FEZ1: variants seen among roughly 807,000 people sequenced by gnomAD.
FEZ1 encodes fasciculation and elongation protein zeta 1.
In FEZ1, 20 loss-of-function variants were observed where a neutral mutation model predicts 49.3. The observed-to-expected ratio is 0.41, with a 90% CI of 0.29 to 0.59. The LOEUF is 0.59. FEZ1 is among the 20% of genes least tolerant of loss of function. FEZ1 has a pLI of 0.36. For synonymous variants in FEZ1, 170 were observed against 180.9 expected (o/e 0.94, Z 0.48); for missense variants, 413 against 476.0 (o/e 0.87, Z 1.23).
At chr11:125,457,472 G>GTA (rs1565533593) in intron 5 of FEZ1, among the ~76,000 whole-genome samples, 10,698 of 83,974 alleles carry the variant, frequency 0.13, 719 homozygotes, top group East Asian at 0.23. Context: ...ACATATATAT[G>GTA]TATATATACA....
intron 9 of FEZ1, among the ~76,000 whole-genome samples, chr11:125,446,674 T>C (rs978677909): frequency 6.6e-6 from 1 of 152,048 alleles, no homozygotes; most frequent in Non-Finnish European, 1.5e-5. Flanking sequence ...TTTTGTTTTG[T>C]GGTTTGTTTG....
intron 9 of FEZ1, among the ~76,000 whole-genome samples, chr11:125,447,557 C>T (rs1012850057): frequency 6.6e-6 from 1 of 152,212 alleles, no homozygotes; most frequent in African/African-American, 2.4e-5. Context: ...CACAGTGGCT[C>T]ATTCCTGTAA....
chr11:125,463,684 C>A, intron 3 of FEZ1, 114 bp from the exon 4 acceptor site: 1 of 704,980 alleles, frequency 1.4e-6, no homozygotes, highest in South Asian at 1.6e-5. Flanking sequence ...CAGCTGCTGT[C>A]TAAACAGTGG....
At chr11:125,455,570 A>G in intron 6 of FEZ1, 1 of 509,500 alleles carries the variant, frequency 2.0e-6, no homozygotes, top group Admixed American at 3.3e-5. Context: ...ACTTTCTTTA[A>G]GGTCTTGCCT....
Position 125,483,567 on chromosome 11 carries a change from T to C in FEZ1, c.312-1934A>G, listed in dbSNP as rs1268965028. Among the ~76,000 whole-genome samples the C allele has an allele frequency of 3.3e-5, 5 of 152,296 alleles. No homozygotes were observed. In the East Asian group the frequency reaches 7.7e-4, roughly 24 times the overall value. On this transcript the variant is annotated intron_variant, in intron 2 of 9. Transcript: ENST00000278919. Reference sequence around the variant, plus strand: ...TAGCATTCTAGAGCCAAGAAGCAAATAGGATTTGCTTTCTCCAAGACAAAA... The same window carrying C: ...TAGCATTCTAGAGCCAAGAAGCAAACAGGATTTGCTTTCTCCAAGACAAAA...
rs34965918 is a variant in FEZ1, at chr11:125,471,431, T to TACAC, written c.412-7865_412-7862dup. Among the ~76,000 whole-genome samples, 240 of 147,990 alleles carry TACAC rather than the reference T, an allele frequency of 1.6e-3. 1 individual carries two copies. The highest frequency in any genetic ancestry group is 5.1e-3 in the African/African-American group (208 of 40,522). ...CAGAAACTAAAAGGATTGAGATAGA[T>TACAC]ACACACACACACACACACACACACA... On this transcript the variant is annotated intron_variant, in intron 3 of 9. Coordinates refer to ENST00000278919, the MANE Select transcript of FEZ1 (RefSeq NM_005103.5).
chr11:125,459,243 AG>A (rs1591585449), intron 5 of FEZ1, among the ~76,000 whole-genome samples: 1 of 152,150 alleles, frequency 6.6e-6, no homozygotes, highest in African/African-American at 2.4e-5. Context: ...CAGTCTCTTC[AG>A]AGAGTTGTCT....
chr11:125,487,853 C>T (rs560412), intron 2 of FEZ1, among the ~76,000 whole-genome samples: 28,304 of 152,072 alleles, frequency 0.19, 2,781 homozygotes, highest in African/African-American at 0.22. Context: ...GATATTTGGC[C>T]CCTCTATGTG....
intron 9 of FEZ1, 119 bp from the exon 10 acceptor site, chr11:125,446,230 C>T (rs901080358): frequency 5.8e-6 from 5 of 862,760 alleles, no homozygotes; most frequent in Non-Finnish European, 9.9e-6. Context: ...TGACAGCCCC[C>T]ACTTAGTGCC....
chr11:125,475,305 C>CACACACACAT (rs1481570008), intron 3 of FEZ1, among the ~76,000 whole-genome samples: 1 of 151,070 alleles, frequency 6.6e-6, no homozygotes, highest in Non-Finnish European at 1.5e-5. Flanking sequence ...CACACACACA[C>CACACACACAT]ACACACATTG....
At position 125,495,861 on chromosome 11, in the gene FEZ1, G is replaced by A. The variant is rs1006933675; in HGVS notation, c.-46+260C>T. 1 of 316,192 alleles carries A rather than the reference G, an allele frequency of 3.2e-6. No homozygotes were observed. Among genetic ancestry groups the A allele is most frequent in the African/African-American group, 2.2e-5 (1 of 44,830 alleles). 19.6% of individuals were successfully genotyped at this position (316,192 alleles called of 1,614,324 possible). ...CAGGCCTGGCTGGAGGGCCGATGCT[G>A]AGATGATACTGGAAGTGCCCATCAT... On this transcript the variant is annotated intron_variant, in intron 1 of 9. Coordinates refer to ENST00000278919, the MANE Select transcript of FEZ1 (RefSeq NM_005103.5). This position sits in a 1 kb window ranked among gnomAD's most constrained non-coding sequence, Gnocchi z 4.2.
intron 6 of FEZ1, among the ~76,000 whole-genome samples, chr11:125,455,031 G>GA (rs1332413229): frequency 1.4e-3 from 178 of 126,446 alleles, no homozygotes; most frequent in Admixed American, 0.012. Flanking sequence ...AAAAAAAAAA[G>GA]AAAAAAAAAA....
At chr11:125,462,948 C>G (rs1395680337) in intron 4 of FEZ1, among the ~76,000 whole-genome samples, 2 of 150,602 alleles carry the variant, frequency 1.3e-5, no homozygotes, top group East Asian at 3.9e-4. Context: ...TATAGTGAAC[C>G]CTGATTTTGC....
intron 4 of FEZ1, among the ~76,000 whole-genome samples, chr11:125,462,728 G>A (rs1352951251): frequency 2.6e-5 from 4 of 152,202 alleles, no homozygotes; most frequent in African/African-American, 4.8e-5. Flanking sequence ...GACAGTCACC[G>A]TGGCTCATGC....
chr11:125,472,608 G>A (rs542829871), intron 3 of FEZ1, among the ~76,000 whole-genome samples: 4 of 152,016 alleles, frequency 2.6e-5, no homozygotes, highest in African/African-American at 9.6e-5. Context: ...AGGCCCAGAT[G>A]CTTTCACTAG....
At position 125,489,829 on chromosome 11, in the gene FEZ1, G is replaced by A. The variant is rs1410483737; in HGVS notation, c.-45-7C>T. The stretch of plus-strand genomic sequence containing the variant: ...ACTTTCAGGATGAGTTTATCTAAAA[G>A]AAATGAACAGCGTAATGTGAGTTTA... On this transcript the variant is annotated splice_region_variant and splice_polypyrimidine_tract_variant and intron_variant, in intron 1 of 9. Transcript: ENST00000278919. This position sits in a 1 kb window ranked among gnomAD's most constrained non-coding sequence, Gnocchi z 4.2. The A allele has an allele frequency of 6.6e-7, 1 of 1,511,886 alleles. No homozygotes were observed. Among genetic ancestry groups the A allele is most frequent in the Non-Finnish European group, 8.8e-7 (1 of 1,131,726 alleles). The allele number at this position is 1,511,886 out of a possible 1,614,324, so 93.7% of individuals were successfully genotyped here. A position where few individuals can be genotyped will look rare whatever the true frequency, so the allele number is the denominator to read the frequency against.
At chr11:125,452,184 C>A (rs549654976) in intron 8 of FEZ1, 150 bp downstream of exon 8, 7 of 648,076 alleles carry the variant, frequency 1.1e-5, no homozygotes, top group Non-Finnish European at 1.7e-5. Flanking sequence ...TTACACTGTG[C>A]GGGAGGATGT....
intron 7 of FEZ1, 97 bp from the exon 8 acceptor site, chr11:125,452,506 A>C: frequency 1.3e-6 from 1 of 746,894 alleles, no homozygotes; most frequent in Non-Finnish European, 2.4e-6. Flanking sequence ...TGCAAATCTG[A>C]CCTTCTCTGA....
chr11:125,486,595 T>C (rs1303082411), intron 2 of FEZ1, among the ~76,000 whole-genome samples: 4 of 152,252 alleles, frequency 2.6e-5, no homozygotes. Context: ...TCACTACATT[T>C]GCTCTATGAT....
Sources: gnomAD v4.1 joint callset for allele counts (sites outside exome capture counted in the v4.1 genomes callset) on GRCh38, gnomAD v4.1.1 for gene constraint, Gnocchi (gnomAD v3.1) non-coding constraint, MANE v1.5 for transcripts, NCBI Gene and HGNC (gene_info 2026-07-23, HGNC 2026-07-21) for gene names.